Variants in NELL1 observed in about 807,000 individuals in gnomAD.
NELL1 encodes protein kinase C-binding protein NELL1.
In NELL1, 76 loss-of-function variants were observed where a neutral mutation model predicts 107.4. The observed-to-expected ratio is 0.71, with a 90% CI of 0.59 to 0.86. The LOEUF (loss-of-function observed/expected upper bound fraction) is 0.86. Ranked by LOEUF, NELL1 falls within the 40% of genes least tolerant of loss-of-function variation. NELL1 has a pLI of 0.00. For synonymous variants in NELL1, 353 were observed against 341.2 expected, an observed-to-expected ratio of 1.03 and a Z score of -0.38; for missense variants, 1,024 against 1,005.5, an observed-to-expected ratio of 1.02 and a Z score of -0.25.
chr11:20,934,276 A>G (rs1227234126), intron 9 of NELL1, among the ~76,000 whole-genome samples: 1 of 152,200 alleles, frequency 6.6e-6, no homozygotes, highest in Non-Finnish European at 1.5e-5. Flanking sequence ...AAGTCATCCT[A>G]AGATAATTTC....
At chr11:21,094,462 C>T (rs1316341308) in intron 12 of NELL1, among the ~76,000 whole-genome samples, 1 of 152,212 alleles carries the variant, frequency 6.6e-6, no homozygotes, top group East Asian at 1.9e-4. Flanking sequence ...CCCCACTAGG[C>T]AGTACCCCAG....
In NELL1 at chr11:21,408,922, C is replaced by T. The variant is rs928415038; in HGVS notation, c.1645+37974C>T. On this transcript the variant is annotated intron_variant, in intron 15 of 19. Coordinates refer to ENST00000357134, the MANE Select transcript of NELL1 (RefSeq NM_006157.5). ...ATTAGAATGGCAATCATTAAAAAGT[C>T]AGGAAACAACAGGTGCTGGAGAGGA... Among the ~76,000 whole-genome samples, 4 of 151,804 alleles carry T rather than the reference C, an allele frequency of 2.6e-5. No homozygotes were observed. The East Asian group carries it at 7.8e-4, about 30-fold the overall frequency.
At chr11:20,700,371 C>G (rs973645265) in intron 2 of NELL1, among the ~76,000 whole-genome samples, 2 of 151,568 alleles carry the variant, frequency 1.3e-5, no homozygotes, top group Non-Finnish European at 2.9e-5. Flanking sequence ...CCTAGCTACT[C>G]GGGAGGCTGA....
intron 3 of NELL1, among the ~76,000 whole-genome samples, chr11:20,800,079 G>A (rs1006428747): frequency 1.3e-5 from 2 of 152,228 alleles, no homozygotes; most frequent in African/African-American, 2.4e-5. Flanking sequence ...TGGTGTATAC[G>A]TACTAGATTT....
chr11:21,526,582 C>CAAATTTCT (rs1198698817), intron 15 of NELL1, among the ~76,000 whole-genome samples: 9 of 152,316 alleles, frequency 5.9e-5, no homozygotes, highest in African/African-American at 2.2e-4. Context: ...GCCCCTGTAG[C>CAAATTTCT]AAATTTCTAC....
chr11:21,150,013 G>A (rs1014490061), intron 13 of NELL1, among the ~76,000 whole-genome samples: 1 of 152,038 alleles, frequency 6.6e-6, no homozygotes, highest in African/African-American at 2.4e-5. Context: ...TTGATATCTG[G>A]AGAACTGGAA....
At chr11:21,133,634 C>G (rs545634393) in intron 13 of NELL1, among the ~76,000 whole-genome samples, 1 of 151,190 alleles carries the variant, frequency 6.6e-6, no homozygotes, top group South Asian at 2.1e-4. Context: ...CTCACCTGGT[C>G]AGGATGCAAA....
chr11:20,903,780 A>G (rs1406146708), intron 5 of NELL1, among the ~76,000 whole-genome samples: 1 of 152,158 alleles, frequency 6.6e-6, no homozygotes, highest in Non-Finnish European at 1.5e-5. Flanking sequence ...CTCGACAGAA[A>G]CACTGAAAAA....
At chr11:21,002,259 G>A (rs1184262947) in intron 12 of NELL1, among the ~76,000 whole-genome samples, 1 of 82,132 alleles carries the variant, frequency 1.2e-5, no homozygotes, top group Non-Finnish European at 2.2e-5. Context: ...CTTTAGACTA[G>A]AAGAATATCA....
intron 14 of NELL1, 146 bp from the exon 15 acceptor site, chr11:21,370,707 T>G (rs1851338335): frequency 1.7e-6 from 1 of 601,186 alleles, no homozygotes; most frequent in Admixed American, 3.3e-5. Flanking sequence ...ATTTATTTCT[T>G]TTTCTGTATG....
chr11:20,756,820 TAA>T (rs1856304652), intron 2 of NELL1, among the ~76,000 whole-genome samples: 2 of 152,134 alleles, frequency 1.3e-5, no homozygotes, highest in Admixed American at 1.3e-4. Flanking sequence ...TGCCTCTAGT[TAA>T]GAACCATTGC....
At chr11:21,497,884 C>T (rs1372569078) in intron 15 of NELL1, among the ~76,000 whole-genome samples, 1 of 151,882 alleles carries the variant, frequency 6.6e-6, no homozygotes, top group African/African-American at 2.4e-5. Flanking sequence ...TTGTTTCAGG[C>T]CTTGACATAT....
intron 12 of NELL1, among the ~76,000 whole-genome samples, chr11:21,045,097 T>A (rs1434071964): frequency 1.3e-5 from 2 of 152,112 alleles, no homozygotes; most frequent in Non-Finnish European, 2.9e-5. Flanking sequence ...CCAGGGCAAG[T>A]AAAGGCAGGA....
chr11:20,895,413 ATC>A (rs1317237403), intron 5 of NELL1, among the ~76,000 whole-genome samples: 1 of 137,026 alleles, frequency 7.3e-6, no homozygotes, highest in East Asian at 2.4e-4. Context: ...AGTCTCTGTT[ATC>A]TGTCTTTCCG....
chr11:21,003,781 A>AT (rs1249070531), intron 12 of NELL1, among the ~76,000 whole-genome samples: 1 of 151,682 alleles, frequency 6.6e-6, no homozygotes, highest in Non-Finnish European at 1.5e-5. Flanking sequence ...CCTTTTTTTA[A>AT]TTTTTTTATT....
Position 21,278,773 on chromosome 11 carries a change from G to A in NELL1, c.1549+49319G>A, listed in dbSNP as rs111655720. On this transcript the variant is annotated intron_variant, in intron 14 of 19. Coordinates refer to ENST00000357134, the MANE Select transcript of NELL1 (RefSeq NM_006157.5). ...CGTAGGGAGTTACTTTGTGGATATT[G>A]ATAAACTGATTCCAAAGTTTATATG... Among the ~76,000 whole-genome samples the A allele has an allele frequency of 7.6e-4, 115 of 152,214 alleles. 1 individual carries two copies. The highest frequency in any genetic ancestry group is 2.7e-3 in the African/African-American group (112 of 41,560).
intron 2 of NELL1, among the ~76,000 whole-genome samples, chr11:20,757,304 G>A (rs963130341): frequency 2.0e-5 from 3 of 151,962 alleles, no homozygotes; most frequent in African/African-American, 7.3e-5. Flanking sequence ...AATTCACTCA[G>A]TTTTATCTTC....
chr11:21,238,189 A>G (rs988554308), intron 14 of NELL1, among the ~76,000 whole-genome samples: 14 of 152,098 alleles, frequency 9.2e-5, no homozygotes, highest in African/African-American at 3.1e-4. Flanking sequence ...ATTTTCTTTG[A>G]TTTCTCTCTC....
chr11:21,127,743 T>A (rs1468975585), intron 13 of NELL1, among the ~76,000 whole-genome samples: 1 of 152,216 alleles, frequency 6.6e-6, no homozygotes, highest in Non-Finnish European at 1.5e-5. Context: ...GCATTTGTAG[T>A]CTACATTGTG....
Sources: allele counts gnomAD v4.1 joint callset (sites outside exome capture counted in the v4.1 genomes callset), GRCh38; gene constraint gnomAD v4.1.1; transcripts MANE v1.5; gene names NCBI Gene and HGNC (gene_info 2026-07-23, HGNC 2026-07-21).